GPC3: variants seen among roughly 807,000 people sequenced by gnomAD.
GPC3 encodes the protein glypican 3, also known as glypican-3.
In GPC3, 3 loss-of-function variants were observed where a neutral mutation model predicts 34.4. The observed-to-expected ratio is 0.09, with a 90% CI of 0.04 to 0.23. GPC3 has a LOEUF of 0.23. Among genes scored for constraint, GPC3 ranks in the 10% least tolerant of loss-of-function variants. The pLI is 1.00. For missense variants in GPC3, 351 were observed against 445.6 expected (o/e 0.79, Z 1.91); for synonymous variants, 177 against 174.0 (o/e 1.02, Z -0.13).
In GPC3 at chrX:133,655,504, A is replaced by C. The variant is rs111951206; in HGVS notation, c.1413+6226T>G. 9.0e-3 allele frequency among the ~76,000 whole-genome samples: 946 copies of C among 104,984 alleles called. 8 individuals carry two copies. The highest frequency in any genetic ancestry group is 0.014 in the South Asian group (33 of 2,403). The allele number at this position is 104,984 out of a possible 115,157, so 91.2% of individuals were successfully genotyped here. A position where few individuals can be genotyped will look rare whatever the true frequency, so the allele number is the denominator to read the frequency against. On this transcript the variant is annotated intron_variant, in intron 6 of 7. Coordinates refer to ENST00000370818, the MANE Select transcript of GPC3 (RefSeq NM_004484.4). ...CACACACACACACACACACACACAC[A>C]CCCACACACACACACACACACACAT...
intron 3 of GPC3, among the ~76,000 whole-genome samples, chrX:133,735,424 T>C (rs990414906): frequency 2.7e-5 from 3 of 111,373 alleles, no homozygotes; most frequent in Admixed American, 9.5e-5. Flanking sequence ...AGAATGAAGT[T>C]GTGCCACTAC....
chrX:133,624,855 CA>C (rs1332997986), intron 6 of GPC3, among the ~76,000 whole-genome samples: 31 of 98,151 alleles, frequency 3.2e-4, no homozygotes, highest in Admixed American at 5.5e-4. Flanking sequence ...AGTGACACAA[CA>C]AAAAAAAAAA....
chrX:133,700,137 A>G, intron 3 of GPC3, 109 bp from the exon 4 acceptor site: 2 of 600,463 alleles, frequency 3.3e-6, no homozygotes, highest in Non-Finnish European at 5.6e-6. Context: ...ATAGCAGAAC[A>G]AAGCTATGAC....
intron 2 of GPC3, among the ~76,000 whole-genome samples, chrX:133,754,776 A>G (rs1247409739): frequency 8.9e-6 from 1 of 112,300 alleles, no homozygotes; most frequent in African/African-American, 3.2e-5. Flanking sequence ...AATGGAATCT[A>G]TCCAATGCAT....
intron 2 of GPC3, among the ~76,000 whole-genome samples, chrX:133,776,249 C>T (rs2071978142): frequency 9.0e-6 from 1 of 111,576 alleles, no homozygotes; most frequent in South Asian, 3.8e-4. Flanking sequence ...AATCTCGTTA[C>T]ACAGATTATA....
intron 3 of GPC3, among the ~76,000 whole-genome samples, chrX:133,751,245 C>T (rs1316914104): frequency 9.0e-6 from 1 of 111,486 alleles, no homozygotes; most frequent in African/African-American, 3.3e-5. Flanking sequence ...TTATTTTCCT[C>T]TTACTGAAAG....
chrX:133,844,640 A>G lies in GPC3; in HGVS notation c.338-90464T>C, dbSNP rs145004321. Among the ~76,000 whole-genome samples, 592 of 111,937 alleles carry G rather than the reference A, an allele frequency of 5.3e-3. 3 individuals are homozygous for G. The highest frequency in any genetic ancestry group is 9.2e-3 in the Middle Eastern group (2 of 218). ...AGAAGAAGGGTAAAGAAAATAAAAT[A>G]AAAGAATAAACCAGAACTTATTCTT... is the stretch of plus-strand genomic sequence containing the variant. On this transcript the variant is annotated intron_variant, in intron 2 of 7. Coordinates refer to ENST00000370818, the MANE Select transcript of GPC3 (RefSeq NM_004484.4).
chrX:133,667,373 G>T (rs755542051), intron 5 of GPC3, among the ~76,000 whole-genome samples: 5 of 111,902 alleles, frequency 4.5e-5, no homozygotes, highest in Non-Finnish European at 5.6e-5. Flanking sequence ...GCACATCTCA[G>T]GGCCTCTGGG....
chrX:133,620,246 C>G (rs2070218271), intron 6 of GPC3, among the ~76,000 whole-genome samples: 1 of 106,309 alleles, frequency 9.4e-6, no homozygotes. Flanking sequence ...AAAAATTCTA[C>G]TCTTTATAGG....
At chrX:133,890,752 C>A (rs1486764970) in intron 2 of GPC3, among the ~76,000 whole-genome samples, 1 of 106,822 alleles carries the variant, frequency 9.4e-6, no homozygotes, top group East Asian at 2.9e-4. Context: ...CCTAGCTACT[C>A]AGGAGGCTGA....
chrX:133,949,992 T>C (rs144750560), intron 2 of GPC3, among the ~76,000 whole-genome samples: 1 of 112,081 alleles, frequency 8.9e-6, no homozygotes, highest in Non-Finnish European at 1.9e-5. Flanking sequence ...GATAATTATG[T>C]AAAAGTCAGC....
intron 2 of GPC3, among the ~76,000 whole-genome samples, chrX:133,768,665 G>A (rs773727600): frequency 4.5e-5 from 5 of 111,921 alleles, no homozygotes; most frequent in Non-Finnish European, 7.5e-5. Flanking sequence ...ACAGCTGGGC[G>A]CAGTGGCTCA....
intron 2 of GPC3, among the ~76,000 whole-genome samples, chrX:133,842,610 C>T (rs764139957): frequency 2.1e-4 from 23 of 109,567 alleles, no homozygotes; most frequent in African/African-American, 6.3e-4. Context: ...AAGTGATAGA[C>T]AAAATAAAGG....
At chrX:133,926,774 C>A (rs1435762391) in intron 2 of GPC3, among the ~76,000 whole-genome samples, 1 of 110,003 alleles carries the variant, frequency 9.1e-6, no homozygotes, top group Non-Finnish European at 1.9e-5. Flanking sequence ...CCAAAAATAC[C>A]GTCCCCCCTC....
chrX:133,570,710 A>G (rs1227434768), intron 7 of GPC3, among the ~76,000 whole-genome samples: 1 of 111,794 alleles, frequency 8.9e-6, no homozygotes. Flanking sequence ...ACTGAAGTAG[A>G]ATTAGATACA....
rs936596286 is a variant in GPC3 at position 133,803,146 on chromosome X, T to C, written c.338-48970A>G. On this transcript the variant is annotated intron_variant, in intron 2 of 7. Coordinates refer to ENST00000370818, the MANE Select transcript of GPC3 (RefSeq NM_004484.4). Reference sequence around the variant, plus strand: ...TTCACCATGTTGGTCAGGGTGGTCTTGAACTCCTGACCTCGTGATCCGCCC... The same window carrying C: ...TTCACCATGTTGGTCAGGGTGGTCTCGAACTCCTGACCTCGTGATCCGCCC... Among the ~76,000 whole-genome samples, 3 of 111,237 alleles carry C rather than the reference T, an allele frequency of 2.7e-5. No homozygotes were observed. In the South Asian group the frequency reaches 1.1e-3, roughly 42 times the overall value.
intron 3 of GPC3, among the ~76,000 whole-genome samples, chrX:133,707,474 A>G (rs2124443599): frequency 8.9e-6 from 1 of 111,746 alleles, no homozygotes; most frequent in South Asian, 3.8e-4. Flanking sequence ...AAGGGAGAAA[A>G]CCCAGATCAA....
intron 2 of GPC3, among the ~76,000 whole-genome samples, chrX:133,792,659 AG>A (rs1368972266): frequency 3.6e-5 from 4 of 111,570 alleles, no homozygotes; most frequent in African/African-American, 6.5e-5. Context: ...CATCCAGTAG[AG>A]GGCCAGAAGA....
In GPC3 at chrX:133,820,745, A is replaced by C. The variant is rs772414897; in HGVS notation, c.338-66569T>G. ...CTCACGTACTTTCTTTCACAGAAAG[A>C]ATACACTAACTATCCTAAGCTAGCA... On this transcript the variant is annotated intron_variant, in intron 2 of 7. Coordinates refer to ENST00000370818, the MANE Select transcript of GPC3 (RefSeq NM_004484.4). 3.6e-5 allele frequency among the ~76,000 whole-genome samples: 4 copies of C among 112,119 alleles called. No homozygotes were observed. The East Asian group carries it at 1.1e-3, about 31-fold the overall frequency.
Sources: allele counts gnomAD v4.1 joint callset (sites outside exome capture counted in the v4.1 genomes callset), GRCh38; gene constraint gnomAD v4.1.1; transcripts MANE v1.5; gene names NCBI Gene and HGNC (gene_info 2026-07-23, HGNC 2026-07-21).